ROR1: variants seen among roughly 807,000 people sequenced by gnomAD.
The protein encoded by ROR1 is ROR family WNT receptor 1.
ROR1 carries 19 observed loss-of-function variants against 78.8 expected under a neutral mutation model. The observed-to-expected ratio is 0.24, with a 90% CI of 0.17 to 0.35. The LOEUF is 0.35. Among genes scored for constraint, ROR1 ranks in the 10% least tolerant of loss-of-function variants. The pLI is 1.00. For synonymous variants in ROR1, 386 were observed against 433.6 expected (o/e 0.89, Z 1.36); for missense variants, 917 against 1,177.8 (o/e 0.78, Z 3.24).
Position 63,774,486 on chromosome 1 carries a change from C to T in ROR1, c.69C>T (p.Ala23=). The change falls in exon 1 of 9, where the codon GCC becomes GCT. Residue 23 remains alanine (A), a synonymous_variant. Coordinates refer to ENST00000371079, the MANE Select transcript of ROR1 (RefSeq NM_005012.4). This position sits in a 1 kb window ranked among gnomAD's most constrained non-coding sequence, Gnocchi z 5.7. ...CGCTGCTGGCCGCGCTGCTGCTGGC[C>T]GCACGCGGGGCTGCTGCCCAAGGTA... The part of the protein sequence containing the change: ...LLALLAALLL[A]ARGAAAQETE... 8.7e-7 allele frequency: 1 copy of T among 1,150,850 alleles called. No individual in the cohort carries two copies. The highest frequency in any genetic ancestry group is 1.1e-6 in the Non-Finnish European group (1 of 940,470). 71.3% of individuals were successfully genotyped at this position (1,150,850 alleles called of 1,614,324 possible).
At chr1:63,947,675 C>A (rs1557577276) in intron 1 of ROR1, among the ~76,000 whole-genome samples, 1 of 152,034 alleles carries the variant, frequency 6.6e-6, no homozygotes, top group Non-Finnish European at 1.5e-5. Flanking sequence ...AGCTAGAAGA[C>A]CTTCCTGGGG....
chr1:64,016,733 T>TA (rs1553151713), intron 2 of ROR1, among the ~76,000 whole-genome samples: 3 of 140,582 alleles, frequency 2.1e-5, no homozygotes, highest in African/African-American at 7.8e-5. Context: ...TAAAATATAA[T>TA]TATATATATA....
Position 64,142,655 on chromosome 1 carries a change from A to G in ROR1, c.1174+5A>G. The G allele has an allele frequency of 6.2e-7, 1 of 1,614,004 alleles. No homozygotes were observed. Among genetic ancestry groups the G allele is most frequent in the Non-Finnish European group, 8.5e-7 (1 of 1,179,922 alleles). On this transcript the variant is annotated splice_donor_5th_base_variant and intron_variant, in intron 7 of 8. Transcript: ENST00000371079. ...TGTGTGACATCCCAGCGTGCGGTAA[A>G]TAGAAGTCATTGCCCCTAATGTATT...
chr1:63,942,733 C>T (rs1054630409), intron 1 of ROR1, among the ~76,000 whole-genome samples: 1 of 152,272 alleles, frequency 6.6e-6, no homozygotes, highest in Non-Finnish European at 1.5e-5. Flanking sequence ...AGCTTGGCAA[C>T]GAAGCTATAT....
intron 7 of ROR1, among the ~76,000 whole-genome samples, chr1:64,146,068 G>A (rs530982575): frequency 2.6e-4 from 39 of 152,284 alleles, no homozygotes; most frequent in African/African-American, 3.4e-4. Context: ...ATCTTGCTAC[G>A]TTGCCCAGGC....
At chr1:64,067,195 C>T (rs895313224) in intron 4 of ROR1, among the ~76,000 whole-genome samples, 2 of 151,470 alleles carry the variant, frequency 1.3e-5, no homozygotes, top group African/African-American at 2.4e-5. Context: ...AATAAAAATA[C>T]AAAAATTAGC....
Position 64,009,387 on chromosome 1 carries a change from G to A in ROR1, c.163+11G>A, listed in dbSNP as rs140839680. 6.3e-7 allele frequency: 1 copy of A among 1,598,820 alleles called. No individual in the cohort carries two copies. The highest frequency in any genetic ancestry group is 1.1e-5 in the South Asian group (1 of 90,722). ...GTGAACTCAACAAAGGTACACAGTG[G>A]GGGCACACAGGGGAGGCGAGGAAAG... On this transcript the variant is annotated intron_variant, in intron 2 of 8. Transcript: ENST00000371079.
chr1:63,806,951 G>A (rs1644833696), intron 1 of ROR1, among the ~76,000 whole-genome samples: 1 of 152,172 alleles, frequency 6.6e-6, no homozygotes, highest in Admixed American at 6.5e-5. Flanking sequence ...CATTTTTCAG[G>A]CATGGTACTG....
intron 1 of ROR1, among the ~76,000 whole-genome samples, chr1:63,873,569 A>G (rs1286551705): frequency 1.3e-5 from 2 of 152,160 alleles, no homozygotes; most frequent in Non-Finnish European, 2.9e-5. Flanking sequence ...CTCTCAGTCC[A>G]TTGATCAAGT....
intron 1 of ROR1, among the ~76,000 whole-genome samples, chr1:64,001,797 T>G (rs1271689794): frequency 1.3e-5 from 2 of 152,160 alleles, no homozygotes; most frequent in Admixed American, 6.5e-5. Flanking sequence ...GATTATTAAA[T>G]GAACATTAAA....
chr1:64,084,023 G>A (rs927404764), intron 4 of ROR1, among the ~76,000 whole-genome samples: 1 of 152,144 alleles, frequency 6.6e-6, no homozygotes, highest in Non-Finnish European at 1.5e-5. Context: ...TAAGGTCCTG[G>A]CATTTCTCTT....
chr1:63,937,110 T>G (rs537265310), intron 1 of ROR1, among the ~76,000 whole-genome samples: 2 of 152,328 alleles, frequency 1.3e-5, no homozygotes, highest in African/African-American at 4.8e-5. Flanking sequence ...TGGGCCAAGA[T>G]GTTATTAATT....
At chr1:63,851,570 T>C (rs1339653782) in intron 1 of ROR1, among the ~76,000 whole-genome samples, 2 of 152,184 alleles carry the variant, frequency 1.3e-5, no homozygotes, top group South Asian at 2.1e-4. Context: ...TGTATAAAGA[T>C]GACAGGGAAA....
At chr1:64,135,479 C>G (rs890395992) in intron 4 of ROR1, among the ~76,000 whole-genome samples, 1 of 151,774 alleles carries the variant, frequency 6.6e-6, no homozygotes, top group Non-Finnish European at 1.5e-5. Context: ...CTGCTAATGC[C>G]TAGGGATAGA....
chr1:64,059,721 A>AAG (rs1327485321), intron 4 of ROR1, among the ~76,000 whole-genome samples: 1 of 151,480 alleles, frequency 6.6e-6, no homozygotes, highest in East Asian at 1.9e-4. Context: ...AAAAAAAAAA[A>AAG]AAAAAGAGAT....
intron 2 of ROR1, among the ~76,000 whole-genome samples, chr1:64,037,986 G>A (rs901931766): frequency 2.6e-5 from 4 of 152,024 alleles, no homozygotes; most frequent in African/African-American, 9.7e-5. Flanking sequence ...GATTTCTAGA[G>A]CTGGACAGGT....
intron 1 of ROR1, among the ~76,000 whole-genome samples, chr1:63,885,653 C>T (rs2100380950): frequency 6.6e-6 from 1 of 152,284 alleles, no homozygotes; most frequent in Admixed American, 6.5e-5. Context: ...ATTTTCTCTC[C>T]TCACCTCTTT....
chr1:64,076,268 T>C (rs749558442), intron 4 of ROR1, among the ~76,000 whole-genome samples: 7 of 152,178 alleles, frequency 4.6e-5, no homozygotes, highest in Non-Finnish European at 1.0e-4. Flanking sequence ...TGTACACACC[T>C]GGAGTCACCA....
intron 4 of ROR1, among the ~76,000 whole-genome samples, chr1:64,127,523 T>C (rs566382569): frequency 6.6e-6 from 1 of 151,930 alleles, no homozygotes; most frequent in South Asian, 2.1e-4. Flanking sequence ...TCTCTCTCTG[T>C]CTCTCTCTCC....
Sources: gnomAD v4.1 joint callset for allele counts (sites outside exome capture counted in the v4.1 genomes callset) on GRCh38, gnomAD v4.1.1 for gene constraint, Gnocchi (gnomAD v3.1) non-coding constraint, MANE v1.5 for transcripts, NCBI Gene and HGNC (gene_info 2026-07-23, HGNC 2026-07-21) for gene names.